ASIC2: variants seen among roughly 807,000 people sequenced by gnomAD.
ASIC2 encodes acid-sensing ion channel 2.
ASIC2 carries 25 observed loss-of-function variants against 57.3 expected under a neutral mutation model. The observed-to-expected ratio is 0.44, with a 90% CI of 0.32 to 0.61. ASIC2 has a LOEUF of 0.61. Among genes scored for constraint, ASIC2 ranks in the 20% least tolerant of loss-of-function variants. ASIC2 has a pLI of 0.06. For synonymous variants in ASIC2, 319 were observed against 307.5 expected (o/e 1.04, Z -0.39); for missense variants, 641 against 738.1 (o/e 0.87, Z 1.52).
intron 1 of ASIC2, among the ~76,000 whole-genome samples, chr17:33,968,067 T>C (rs899277091): frequency 2.0e-5 from 3 of 152,218 alleles, no homozygotes; most frequent in Admixed American, 1.3e-4. Context: ...CTCTTGTCAA[T>C]ACCCGTATTG....
intron 1 of ASIC2, among the ~76,000 whole-genome samples, chr17:33,806,088 GC>G (rs113438932): frequency 0.09 from 13,693 of 152,114 alleles, 686 homozygotes; most frequent in East Asian, 0.19. Context: ...CCATGTCCCA[GC>G]GAAACACCGG....
chr17:33,660,620 T>C (rs1907227157), intron 1 of ASIC2, among the ~76,000 whole-genome samples: 1 of 152,234 alleles, frequency 6.6e-6, no homozygotes, highest in African/African-American at 2.4e-5. Flanking sequence ...TATTATTTAC[T>C]GTACATAATT....
chr17:33,673,517 A>T (rs1159201232), intron 1 of ASIC2, among the ~76,000 whole-genome samples: 7 of 152,192 alleles, frequency 4.6e-5, no homozygotes, highest in Non-Finnish European at 1.0e-4. Flanking sequence ...AAGATGGGGA[A>T]ACTGAGGCTC....
chr17:33,037,338 T>G (rs2091912992), intron 3 of ASIC2, among the ~76,000 whole-genome samples: 1 of 150,880 alleles, frequency 6.6e-6, no homozygotes, highest in Non-Finnish European at 1.5e-5. Context: ...ATGTAGCTGG[T>G]GAAGCTCTGG....
intron 1 of ASIC2, among the ~76,000 whole-genome samples, chr17:33,495,352 C>T (rs903634448): frequency 6.6e-6 from 1 of 152,192 alleles, no homozygotes; most frequent in Admixed American, 6.5e-5. Flanking sequence ...AGGCAGCATT[C>T]GTCCTGGTCC....
intron 1 of ASIC2, among the ~76,000 whole-genome samples, chr17:33,872,883 C>T (rs563024229): frequency 7.9e-5 from 12 of 152,204 alleles, no homozygotes; most frequent in African/African-American, 1.9e-4. Flanking sequence ...ACCTGGCCCA[C>T]GCATGGGCAC....
At chr17:33,852,055 A>C (rs549649718) in intron 1 of ASIC2, among the ~76,000 whole-genome samples, 1 of 152,214 alleles carries the variant, frequency 6.6e-6, no homozygotes, top group Non-Finnish European at 1.5e-5. Flanking sequence ...GCGCTGCTTC[A>C]CTTGGACTGA....
At chr17:33,185,207 A>G (rs983872623) in intron 1 of ASIC2, among the ~76,000 whole-genome samples, 7 of 152,114 alleles carry the variant, frequency 4.6e-5, no homozygotes, top group African/African-American at 1.7e-4. Flanking sequence ...TTAGAGCAAT[A>G]TGTTGTTTTT....
Position 34,069,116 on chromosome 17 carries a change from C to T in ASIC2, c.555+86862G>A, listed in dbSNP as rs138301691. On this transcript the variant is annotated intron_variant, in intron 1 of 9. Transcript: ENST00000359872. ...GTCACCTTGGTGGCTCGAAATGAGC[C>T]GTGATGGGAGTATTTACACTGCAGA... Among the ~76,000 whole-genome samples the T allele has an allele frequency of 8.5e-5, 13 of 152,182 alleles. No individual in the cohort carries two copies. The East Asian group carries it at 2.3e-3, about 27-fold the overall frequency.
At chr17:33,240,859 AG>A (rs1908475577) in intron 1 of ASIC2, among the ~76,000 whole-genome samples, 1 of 152,084 alleles carries the variant, frequency 6.6e-6, no homozygotes, top group Admixed American at 6.5e-5. Flanking sequence ...AGCAAAGCAA[AG>A]CAAACAAACA....
chr17:33,187,581 A>C (rs991523284), intron 1 of ASIC2, among the ~76,000 whole-genome samples: 1 of 152,154 alleles, frequency 6.6e-6, no homozygotes, highest in African/African-American at 2.4e-5. Context: ...ACCTGCACCT[A>C]ATAGAATGTA....
intron 1 of ASIC2, among the ~76,000 whole-genome samples, chr17:34,007,411 C>A (rs1008829663): frequency 6.6e-6 from 1 of 152,334 alleles, no homozygotes; most frequent in Admixed American, 6.5e-5. Flanking sequence ...ACTGCCAACC[C>A]AGCACACAGA....
At chr17:33,765,421 G>A (rs1239736030) in intron 1 of ASIC2, among the ~76,000 whole-genome samples, 1 of 152,126 alleles carries the variant, frequency 6.6e-6, no homozygotes, top group South Asian at 2.1e-4. Context: ...GAGCATAATT[G>A]TAAAATAACT....
intron 1 of ASIC2, among the ~76,000 whole-genome samples, chr17:33,587,658 TAA>T: frequency 6.6e-6 from 1 of 152,324 alleles, no homozygotes; most frequent in African/African-American, 2.4e-5. Context: ...AGGTTGGGCA[TAA>T]CACTTGTAGT....
chr17:33,868,785 C>G lies in ASIC2; in HGVS notation c.555+287193G>C, dbSNP rs150918653. On this transcript the variant is annotated intron_variant, in intron 1 of 9. Coordinates refer to the ASIC2 transcript ENST00000359872. ...AATAAATAAAAATGTACAAAGGGGC[C>G]AGGCATTGTGGCTCATACCTGTAAT... Among the ~76,000 whole-genome samples the G allele has an allele frequency of 2.1e-3, 321 of 152,178 alleles. 2 individuals are homozygous for G. The highest frequency in any genetic ancestry group is 7.5e-3 in the African/African-American group (313 of 41,516).
At chr17:33,838,340 T>A (rs1464054834) in intron 1 of ASIC2, among the ~76,000 whole-genome samples, 2 of 152,034 alleles carry the variant, frequency 1.3e-5, no homozygotes, top group African/African-American at 4.8e-5. Context: ...TGTTCGAGAG[T>A]ATTGGTCCTG....
intron 1 of ASIC2, among the ~76,000 whole-genome samples, chr17:34,035,980 C>A (rs1166858827): frequency 1.3e-5 from 2 of 151,718 alleles, no homozygotes; most frequent in Admixed American, 6.6e-5. Context: ...TGTCACGATT[C>A]CTCAGAGATC....
At chr17:33,086,951 C>G (rs1486144482) in intron 3 of ASIC2, among the ~76,000 whole-genome samples, 1 of 152,124 alleles carries the variant, frequency 6.6e-6, no homozygotes, top group East Asian at 1.9e-4. Context: ...TCTGCCCACT[C>G]CCTCATTCTC....
At chr17:34,042,546 C>T (rs1022360497) in intron 1 of ASIC2, among the ~76,000 whole-genome samples, 2 of 151,572 alleles carry the variant, frequency 1.3e-5, no homozygotes, top group South Asian at 2.1e-4. Context: ...AGGCTGGAGA[C>T]AGTGGTAAGG....
Sources: allele counts gnomAD v4.1 joint callset (sites outside exome capture counted in the v4.1 genomes callset), GRCh38; gene constraint gnomAD v4.1.1; transcripts MANE v1.5; gene names NCBI Gene and HGNC (gene_info 2026-07-23, HGNC 2026-07-21).